Variants in AGBL4 observed in about 807,000 individuals in gnomAD.
The protein encoded by AGBL4 is AGBL carboxypeptidase 4, also known as cytosolic carboxypeptidase 6.
A neutral mutation model predicts 66.4 loss-of-function variants in AGBL4; 58 were observed. The ratio of observed to expected loss-of-function variants is 0.87; its 90% CI spans 0.71 to 1.09. The LOEUF (loss-of-function observed/expected upper bound fraction) is 1.09, where lower values mean the gene tolerates loss of function less well. Ranked by LOEUF, AGBL4 falls within the 50% of genes least tolerant of loss-of-function variation. AGBL4 has a pLI of 0.00. For synonymous variants in AGBL4, 234 were observed against 222.9 expected, an observed-to-expected ratio of 1.05 and a Z score of -0.44; for missense variants, 579 against 631.0, an observed-to-expected ratio of 0.92 and a Z score of 0.88.
chr1:49,823,513 A>T (rs1468514167), intron 2 of AGBL4, among the ~76,000 whole-genome samples: 3 of 152,222 alleles, frequency 2.0e-5, no homozygotes, highest in Admixed American at 1.3e-4. Flanking sequence ...AATGGAATAG[A>T]GCAAATGCAA....
chr1:49,740,207 C>A (rs985040815), intron 2 of AGBL4, among the ~76,000 whole-genome samples: 34 of 152,044 alleles, frequency 2.2e-4, no homozygotes, highest in African/African-American at 8.2e-4. Flanking sequence ...GGAGGAAGAT[C>A]TACCAAGCAA....
At chr1:49,781,040 A>T (rs1219080875) in intron 2 of AGBL4, among the ~76,000 whole-genome samples, 2 of 152,160 alleles carry the variant, frequency 1.3e-5, no homozygotes, top group Non-Finnish European at 2.9e-5. Context: ...AAGGTATACC[A>T]CACAAAAAGA....
In AGBL4 at chr1:49,317,179, G is replaced by A. The variant is rs557028285; in HGVS notation, c.283-71315C>T. Among the ~76,000 whole-genome samples, 4 of 151,656 alleles carry A rather than the reference G, an allele frequency of 2.6e-5. No homozygotes were observed. In the South Asian group the frequency reaches 6.2e-4, roughly 24 times the overall value. On this transcript the variant is annotated intron_variant, in intron 3 of 13. Transcript: ENST00000371839. Reference sequence around the variant, plus strand: ...GTTATGAGCCGGATTTTTTGTTTTCGTCTTTTTGGTTATCTATATTTTCAA... The same window carrying A: ...GTTATGAGCCGGATTTTTTGTTTTCATCTTTTTGGTTATCTATATTTTCAA...
chr1:49,078,068 T>A (rs1328501475), intron 4 of AGBL4, among the ~76,000 whole-genome samples: 2 of 152,056 alleles, frequency 1.3e-5, no homozygotes, highest in Non-Finnish European at 2.9e-5. Flanking sequence ...AGGAACAAAA[T>A]CCTGATGTGT....
chr1:49,335,856 T>C (rs1645428184), intron 3 of AGBL4, among the ~76,000 whole-genome samples: 1 of 152,170 alleles, frequency 6.6e-6, no homozygotes, highest in African/African-American at 2.4e-5. Flanking sequence ...AGGCATATGA[T>C]ATCTGGCCTT....
intron 3 of AGBL4, among the ~76,000 whole-genome samples, chr1:49,277,997 C>T (rs1443183862): frequency 1.3e-5 from 2 of 152,182 alleles, no homozygotes; most frequent in Admixed American, 6.5e-5. Flanking sequence ...TACAAAATCT[C>T]ATTTAACAAT....
intron 3 of AGBL4, among the ~76,000 whole-genome samples, chr1:49,566,537 G>T (rs937770200): frequency 6.6e-6 from 1 of 152,182 alleles, no homozygotes; most frequent in Non-Finnish European, 1.5e-5. Flanking sequence ...TCAGCTGCAG[G>T]TCTGTTGGAG....
rs377046905 is a variant in AGBL4, at chr1:49,537,849, C to G, written c.282+159464G>C. On this transcript the variant is annotated intron_variant, in intron 3 of 13. Transcript: ENST00000371839. ...GGCTGAGGCAGGAGAATGGTGTGAA[C>G]CCAGGAGGTGGAGCTTGTAGTGAGC... Among the ~76,000 whole-genome samples the G allele has an allele frequency of 3.2e-4, 49 of 152,098 alleles. 1 individual carries two copies. In the South Asian group the frequency reaches 9.5e-3, roughly 30 times the overall value.
chr1:49,730,102 G>A (rs906142231), intron 2 of AGBL4, among the ~76,000 whole-genome samples: 1 of 152,114 alleles, frequency 6.6e-6, no homozygotes, highest in Admixed American at 6.5e-5. Flanking sequence ...CCTGGACTCA[G>A]CCACACAGAT....
At chr1:49,470,665 C>T (rs913255084) in intron 3 of AGBL4, among the ~76,000 whole-genome samples, 8 of 151,960 alleles carry the variant, frequency 5.3e-5, no homozygotes, top group African/African-American at 1.9e-4. Flanking sequence ...TGGCAACACC[C>T]AAAAGTTACT....
intron 3 of AGBL4, among the ~76,000 whole-genome samples, chr1:49,641,398 C>A (rs1462947715): frequency 6.6e-6 from 1 of 151,970 alleles, no homozygotes; most frequent in Admixed American, 6.6e-5. Flanking sequence ...TTTATCATCA[C>A]AAAATGAAAT....
At chr1:49,767,872 A>G (rs1275511899) in intron 2 of AGBL4, among the ~76,000 whole-genome samples, 2 of 152,110 alleles carry the variant, frequency 1.3e-5, no homozygotes, top group Non-Finnish European at 2.9e-5. Context: ...AATTCCTGGG[A>G]GCACACAATC....
At chr1:49,086,556 G>C (rs1644910841) in intron 4 of AGBL4, among the ~76,000 whole-genome samples, 1 of 152,040 alleles carries the variant, frequency 6.6e-6, no homozygotes, top group Non-Finnish European at 1.5e-5. Context: ...CCTGCCACTG[G>C]TATCCAGGCA....
intron 3 of AGBL4, among the ~76,000 whole-genome samples, chr1:49,314,751 T>C (rs1557832434): frequency 6.6e-6 from 1 of 152,050 alleles, no homozygotes; most frequent in Non-Finnish European, 1.5e-5. Context: ...TACCCAGCAA[T>C]GAGATTGCTG....
At chr1:48,735,355 A>C (rs1357674103) in intron 6 of AGBL4, among the ~76,000 whole-genome samples, 1 of 151,916 alleles carries the variant, frequency 6.6e-6, no homozygotes, top group East Asian at 1.9e-4. Context: ...TTCAATACCC[A>C]TTAGAGGGCC....
At chr1:49,239,408 A>G (rs918535235) in intron 4 of AGBL4, among the ~76,000 whole-genome samples, 1 of 152,160 alleles carries the variant, frequency 6.6e-6, no homozygotes, top group Non-Finnish European at 1.5e-5. Flanking sequence ...GATATTTATT[A>G]TCTATTATAC....
chr1:49,236,621 C>T (rs773582846), intron 4 of AGBL4, among the ~76,000 whole-genome samples: 1 of 151,986 alleles, frequency 6.6e-6, no homozygotes, highest in Non-Finnish European at 1.5e-5. Context: ...ACCATGGTTC[C>T]CCCAAAGTTT....
chr1:49,145,226 A>G (rs1278234151), intron 4 of AGBL4, among the ~76,000 whole-genome samples: 1 of 152,136 alleles, frequency 6.6e-6, no homozygotes, highest in Non-Finnish European at 1.5e-5. Context: ...CTAATCTCAC[A>G]TCATTCTCTA....
chr1:49,805,176 T>C (rs1644949088), intron 2 of AGBL4, among the ~76,000 whole-genome samples: 1 of 152,194 alleles, frequency 6.6e-6, no homozygotes, highest in Non-Finnish European at 1.5e-5. Flanking sequence ...GTTTCGTATG[T>C]ATTTCTAAAG....
Sources: gnomAD v4.1 joint callset for allele counts (sites outside exome capture counted in the v4.1 genomes callset) on GRCh38, gnomAD v4.1.1 for gene constraint, MANE v1.5 for transcripts, NCBI Gene and HGNC (gene_info 2026-07-23, HGNC 2026-07-21) for gene names.